PTPRD: variants seen among roughly 807,000 people sequenced by gnomAD.
The protein encoded by PTPRD is protein tyrosine phosphatase receptor type D, also known as receptor-type tyrosine-protein phosphatase delta.
A neutral mutation model predicts 214.5 loss-of-function variants in PTPRD; 34 were observed. That is an observed-to-expected ratio of 0.16 (90% CI 0.12 to 0.21). The LOEUF (loss-of-function observed/expected upper bound fraction) is 0.21, where lower values mean the gene tolerates loss of function less well. Ranked by LOEUF, PTPRD falls within the 10% of genes least tolerant of loss-of-function variation. PTPRD has a pLI of 1.00. For missense variants in PTPRD, 2,545 were observed against 2,398.7 expected (o/e 1.06, Z -1.27); for synonymous variants, 1,128 against 845.7 (o/e 1.33, Z -5.79).
intron 5 of PTPRD, among the ~76,000 whole-genome samples, chr9:9,895,527 T>G (rs962632401): frequency 6.6e-6 from 1 of 152,032 alleles, no homozygotes; most frequent in Non-Finnish European, 1.5e-5. Flanking sequence ...ATGTGCACCA[T>G]GATGAAAAGT....
At chr9:9,275,408 G>T (rs1945214968) in intron 9 of PTPRD, among the ~76,000 whole-genome samples, 1 of 149,832 alleles carries the variant, frequency 6.7e-6, no homozygotes, top group African/African-American at 2.4e-5. Context: ...AGAGTCACCT[G>T]CATTCAGTGC....
intron 3 of PTPRD, among the ~76,000 whole-genome samples, chr9:10,238,588 A>G (rs2099636784): frequency 6.6e-6 from 1 of 151,916 alleles, no homozygotes; most frequent in Non-Finnish European, 1.5e-5. Flanking sequence ...TATCGAAAGC[A>G]TATACTTTTC....
At chr9:8,398,079 T>C (rs1256444434) in intron 36 of PTPRD, among the ~76,000 whole-genome samples, 1 of 152,176 alleles carries the variant, frequency 6.6e-6, no homozygotes, top group Non-Finnish European at 1.5e-5. Flanking sequence ...TATTAGTTTT[T>C]CCATAGATCA....
intron 7 of PTPRD, among the ~76,000 whole-genome samples, chr9:9,633,715 G>C (rs143988571): frequency 6.6e-6 from 1 of 152,228 alleles, no homozygotes; most frequent in African/African-American, 2.4e-5. Flanking sequence ...TATAGGGTAA[G>C]GCTCAATGAA....
intron 9 of PTPRD, among the ~76,000 whole-genome samples, chr9:9,234,438 G>C (rs1439512343): frequency 6.6e-6 from 1 of 152,186 alleles, no homozygotes. Flanking sequence ...ACATGCCCTG[G>C]AGACATTTTC....
rs2097526177 is a variant in PTPRD at position 10,366,838 on chromosome 9, G to A, written c.-599-25821C>T. On this transcript the variant is annotated intron_variant, in intron 2 of 45. Transcript: ENST00000381196. The stretch of plus-strand genomic sequence containing the variant: ...AATTCTCCTTGGCAAAACTGACTTT[G>A]TGAAAACATTTTACTTGAAATCACT... Among the ~76,000 whole-genome samples the A allele has an allele frequency of 2.6e-5, 4 of 152,198 alleles. No homozygotes were observed. In the South Asian group the frequency reaches 8.3e-4, roughly 32 times the overall value.
intron 3 of PTPRD, among the ~76,000 whole-genome samples, chr9:10,057,376 A>G (rs142347968): frequency 6.6e-6 from 1 of 152,262 alleles, no homozygotes; most frequent in Non-Finnish European, 1.5e-5. Context: ...GTGAAAAGCC[A>G]CCAGGGTATG....
intron 7 of PTPRD, among the ~76,000 whole-genome samples, chr9:9,678,592 A>G (rs1340759803): frequency 6.6e-6 from 1 of 151,920 alleles, no homozygotes; most frequent in African/African-American, 2.4e-5. Context: ...ATCATTATTA[A>G]TAGTGAACTA....
intron 10 of PTPRD, among the ~76,000 whole-genome samples, chr9:9,033,140 C>T (rs2099610923): frequency 6.6e-6 from 1 of 152,142 alleles, no homozygotes; most frequent in Admixed American, 6.6e-5. Context: ...CTTCTTTTCT[C>T]ATTTGGCTCA....
At chr9:10,056,520 G>A (rs1290937557) in intron 3 of PTPRD, among the ~76,000 whole-genome samples, 2 of 151,618 alleles carry the variant, frequency 1.3e-5, no homozygotes, top group African/African-American at 4.8e-5. Context: ...ATTTTACTCT[G>A]TTCTTTGTTT....
intron 15 of PTPRD, 149 bp from the exon 16 acceptor site, chr9:8,527,502 G>C (rs1419456840): frequency 2.7e-6 from 2 of 744,132 alleles, no homozygotes; most frequent in Non-Finnish European, 4.4e-6. Flanking sequence ...TACAATAACA[G>C]AATGCTAATC....
Position 10,306,753 on chromosome 9 carries a change from T to A in PTPRD, c.-545+34210A>T, listed in dbSNP as rs981592685. Among the ~76,000 whole-genome samples the A allele has an allele frequency of 5.9e-5, 9 of 152,260 alleles. No homozygotes were observed. The East Asian group carries it at 1.7e-3, about 29-fold the overall frequency. ...TGCTTCAAGTATCAACAGCTCCTCA[T>A]TGAGCTAATTTGTGATACAATGTGT... On this transcript the variant is annotated intron_variant, in intron 3 of 45. Transcript: ENST00000381196.
chr9:8,633,700 A>T (rs895420973), intron 13 of PTPRD, among the ~76,000 whole-genome samples: 1 of 152,080 alleles, frequency 6.6e-6, no homozygotes, highest in African/African-American at 2.4e-5. Context: ...CCTACTAAAA[A>T]CTACCAGGGT....
intron 2 of PTPRD, among the ~76,000 whole-genome samples, chr9:10,497,150 G>T (rs541055920): frequency 5.9e-5 from 9 of 151,952 alleles, no homozygotes; most frequent in South Asian, 2.1e-4. Flanking sequence ...GCTAATAGAG[G>T]GTGGAGGGAG....
chr9:9,004,573 A>C (rs1001579263), intron 11 of PTPRD, among the ~76,000 whole-genome samples: 3 of 151,986 alleles, frequency 2.0e-5, no homozygotes, highest in South Asian at 2.1e-4. Flanking sequence ...TCTTCCTGAC[A>C]TTCTTTAGCC....
intron 8 of PTPRD, among the ~76,000 whole-genome samples, chr9:9,481,012 A>C (rs2147094360): frequency 6.6e-6 from 1 of 152,214 alleles, no homozygotes; most frequent in African/African-American, 2.4e-5. Context: ...GACATGTAAT[A>C]ATGCCTATAT....
intron 4 of PTPRD, among the ~76,000 whole-genome samples, chr9:9,958,972 C>G (rs1369352705): frequency 6.6e-6 from 1 of 152,078 alleles, no homozygotes; most frequent in East Asian, 1.9e-4. Flanking sequence ...ATAGTCTTAC[C>G]ATAAAATCAA....
chr9:8,484,075 A>G, intron 30 of PTPRD, 44 bp downstream of exon 30: 1 of 1,578,874 alleles, frequency 6.3e-7, no homozygotes, highest in Non-Finnish European at 8.6e-7. Context: ...GTTCCTATTT[A>G]CCTATAATTC....
At chr9:8,732,011 T>A (rs2098664764) in intron 12 of PTPRD, among the ~76,000 whole-genome samples, 1 of 152,232 alleles carries the variant, frequency 6.6e-6, no homozygotes, top group African/African-American at 2.4e-5. Flanking sequence ...ATAAATATCT[T>A]AACTAAAAAT....
Sources: gnomAD v4.1 joint callset for allele counts (sites outside exome capture counted in the v4.1 genomes callset) on GRCh38, gnomAD v4.1.1 for gene constraint, MANE v1.5 for transcripts, NCBI Gene and HGNC (gene_info 2026-07-23, HGNC 2026-07-21) for gene names.